Variants in SLC38A12 observed in about 807,000 individuals in gnomAD.
SLC38A12 encodes putative sodium-coupled neutral amino acid transporter 12.
chr17:74,804,665 C>T, the SLC38A12 span, among the ~76,000 whole-genome samples: 23 of 152,236 alleles, frequency 1.5e-4, no homozygotes, highest in African/African-American at 5.5e-4. Flanking sequence ...GGGTCTTGAG[C>T]CACCGCAGGG....
the SLC38A12 span, among the ~76,000 whole-genome samples, chr17:74,835,503 G>A: frequency 2.6e-5 from 4 of 152,192 alleles, no homozygotes; most frequent in Admixed American, 2.6e-4. Context: ...AAGGGAGAGA[G>A]GGTGACCCTG....
the SLC38A12 span, among the ~76,000 whole-genome samples, chr17:74,822,222 C>T: frequency 2.0e-5 from 3 of 152,230 alleles, no homozygotes; most frequent in Non-Finnish European, 2.9e-5. Context: ...AGCAGGGCCC[C>T]GGGGTCCTGG....
At chr17:74,836,671 G>A in the SLC38A12 span, 1 of 1,601,164 alleles carries the variant, frequency 6.2e-7, no homozygotes, top group Admixed American at 1.7e-5. The surrounding 1 kb of genome is among the most constrained non-coding windows in gnomAD (Gnocchi z 4.2). Flanking sequence ...ATCATCCTCA[G>A]CGAGACCAAG....
At chr17:74,825,677 C>G in the SLC38A12 span, among the ~76,000 whole-genome samples, 1 of 152,312 alleles carries the variant, frequency 6.6e-6, no homozygotes, top group African/African-American at 2.4e-5. Context: ...CCTGCAGTGC[C>G]CAGGAGGTCG....
chr17:74,791,390 T>G, the SLC38A12 span, among the ~76,000 whole-genome samples: 71,508 of 125,730 alleles, frequency 0.57, 19,530 homozygotes, highest in Non-Finnish European at 0.63. Flanking sequence ...TCCAGTGAGG[T>G]TCAGGAACCC....
chr17:74,838,613 T>C, the SLC38A12 span: 1 of 1,325,194 alleles, frequency 7.5e-7, no homozygotes, highest in Admixed American at 3.2e-5. Flanking sequence ...ACCACATCGC[T>C]GATGCCAAGT....
At chr17:74,833,173 G>A in the SLC38A12 span, among the ~76,000 whole-genome samples, 3 of 152,184 alleles carry the variant, frequency 2.0e-5, no homozygotes, top group South Asian at 2.1e-4. Context: ...GCAGGTGCGC[G>A]TCACCAAGCC....
At chr17:74,828,133 G>A in the SLC38A12 span, among the ~76,000 whole-genome samples, 2 of 152,220 alleles carry the variant, frequency 1.3e-5, no homozygotes, top group African/African-American at 4.8e-5. Context: ...GACAGCCACC[G>A]TGACGGATGG....
At chr17:74,831,100 C>T in the SLC38A12 span, among the ~76,000 whole-genome samples, 4 of 152,204 alleles carry the variant, frequency 2.6e-5, no homozygotes, top group South Asian at 4.1e-4. Flanking sequence ...CTCCACGTCC[C>T]GTCTGACACC....
At chr17:74,802,962 C>T in the SLC38A12 span, among the ~76,000 whole-genome samples, 62 of 152,274 alleles carry the variant, frequency 4.1e-4, no homozygotes, top group African/African-American at 1.5e-3. Flanking sequence ...CCAATTCCCC[C>T]AGGAAGTGAA....
At chr17:74,815,739 G>C in the SLC38A12 span, among the ~76,000 whole-genome samples, 3 of 152,184 alleles carry the variant, frequency 2.0e-5, no homozygotes, top group Non-Finnish European at 4.4e-5. Flanking sequence ...GAGCGTTCTT[G>C]GTTTAAAGAT....
the SLC38A12 span, among the ~76,000 whole-genome samples, chr17:74,786,238 C>T: frequency 6.6e-6 from 1 of 152,190 alleles, no homozygotes; most frequent in Non-Finnish European, 1.5e-5. Context: ...AGGGACTAGT[C>T]TGAAGTTGTC....
At chr17:74,781,533 A>C in the SLC38A12 span, among the ~76,000 whole-genome samples, 1 of 152,064 alleles carries the variant, frequency 6.6e-6, no homozygotes, top group South Asian at 2.1e-4. Flanking sequence ...CCATCCTCCC[A>C]CCTCAGGAGT....
At chr17:74,818,847 C>T in the SLC38A12 span, among the ~76,000 whole-genome samples, 1 of 152,214 alleles carries the variant, frequency 6.6e-6, no homozygotes, top group South Asian at 2.1e-4. Context: ...TCCTCTACTC[C>T]CTGAGCAACC....
the SLC38A12 span, chr17:74,795,601 T>C: frequency 1.2e-6 from 2 of 1,613,768 alleles, no homozygotes; most frequent in Non-Finnish European, 8.5e-7. Flanking sequence ...TGGGGGCCCC[T>C]GCGCCGAGTG....
chr17:74,831,648 G>A, the SLC38A12 span, among the ~76,000 whole-genome samples: 1 of 152,230 alleles, frequency 6.6e-6, no homozygotes, highest in East Asian at 1.9e-4. Flanking sequence ...GGATGTGGAT[G>A]CGGATGTTCT....
the SLC38A12 span, among the ~76,000 whole-genome samples, chr17:74,795,337 C>T: frequency 6.6e-6 from 1 of 152,186 alleles, no homozygotes; most frequent in Non-Finnish European, 1.5e-5. Context: ...CCAAGGGCTC[C>T]TGAGTCATTG....
the SLC38A12 span, among the ~76,000 whole-genome samples, chr17:74,800,497 G>A: frequency 6.6e-6 from 1 of 152,276 alleles, no homozygotes; most frequent in Admixed American, 6.5e-5. Flanking sequence ...CCCTGGGGCT[G>A]TGGCATCTGT....
chr17:74,837,608 C>A, the SLC38A12 span: 1 of 985,498 alleles, frequency 1.0e-6, no homozygotes, highest in Non-Finnish European at 1.2e-6. Flanking sequence ...TGCTCCCACT[C>A]CAACACTAAA....
Sources: gnomAD v4.1 joint callset for allele counts (sites outside exome capture counted in the v4.1 genomes callset) on GRCh38, gnomAD v4.1.1 for gene constraint, Gnocchi (gnomAD v3.1) non-coding constraint, MANE v1.5 for transcripts, NCBI Gene and HGNC (gene_info 2026-07-23, HGNC 2026-07-21) for gene names.